The following MTFR1 variants were observed in gnomAD, a reference collection of about 807,000 sequenced individuals.
The protein encoded by MTFR1 is mitochondrial fission regulator 1, also known as chondrocyte protein with a poly-proline region.
MTFR1 carries 28 observed loss-of-function variants against 38.8 expected under a neutral mutation model. That is an observed-to-expected ratio of 0.72 (90% CI 0.53 to 0.99). MTFR1 has a LOEUF of 0.99. MTFR1 is among the 50% of genes least tolerant of loss of function. The pLI is 0.00. For synonymous variants in MTFR1, 145 were observed against 137.0 expected, an observed-to-expected ratio of 1.06 and a Z score of -0.41; for missense variants, 358 against 395.5, an observed-to-expected ratio of 0.91 and a Z score of 0.81.
intron 1 of MTFR1, among the ~76,000 whole-genome samples, chr8:65,649,124 G>A (rs1809047990): frequency 6.6e-6 from 1 of 151,790 alleles, no homozygotes; most frequent in Admixed American, 6.6e-5. Flanking sequence ...ATCTACAGAT[G>A]ACTTCAAGTA....
intron 1 of MTFR1, among the ~76,000 whole-genome samples, chr8:65,655,317 G>A (rs1048033503): frequency 9.9e-5 from 15 of 152,094 alleles, no homozygotes; most frequent in East Asian, 5.8e-4. Flanking sequence ...AAGAATTTGC[G>A]CCAAGTTTGA....
chr8:65,724,581 T>C (rs2129065587), intron 3 of MTFR1, among the ~76,000 whole-genome samples: 1 of 152,312 alleles, frequency 6.6e-6, no homozygotes, highest in South Asian at 2.1e-4. Context: ...GAAAAACACG[T>C]AAGCAATGAT....
rs529780472 is a variant in MTFR1 at position 65,692,949 on chromosome 8, A to G, written c.166-695A>G. On this transcript the variant is annotated intron_variant, in intron 3 of 7. Transcript: ENST00000262146. Reference sequence around the variant, plus strand: ...CTTGCTCTGTCACCCAGGCTGGAGTATAGTGGCACGATCTCGGCTCACCGC... The same window carrying G: ...CTTGCTCTGTCACCCAGGCTGGAGTGTAGTGGCACGATCTCGGCTCACCGC... Among the ~76,000 whole-genome samples, 9 of 146,384 alleles carry G rather than the reference A, an allele frequency of 6.1e-5. No individual in the cohort carries two copies. The East Asian group carries it at 1.8e-3, about 30-fold the overall frequency.
intron 3 of MTFR1, chr8:65,739,652 T>C (rs1807319647): frequency 1.4e-5 from 19 of 1,360,498 alleles, no homozygotes; most frequent in Non-Finnish European, 1.4e-5. Flanking sequence ...AACACAATTA[T>C]ATTATGCTTT....
At chr8:65,711,248 T>A (rs1029185790), downstream of MTFR1, among the ~76,000 whole-genome samples, 1 of 152,162 alleles carries the variant, frequency 6.6e-6, no homozygotes, top group African/African-American at 2.4e-5. Context: ...TTAGTTCTGG[T>A]TGTTTCCCCA....
intron 1 of MTFR1, among the ~76,000 whole-genome samples, chr8:65,663,344 A>G (rs1429524954): frequency 6.6e-6 from 1 of 152,010 alleles, no homozygotes; most frequent in African/African-American, 2.4e-5. Context: ...ATGCTCGTTA[A>G]GAGTCATCAC....
chr8:65,744,064 C>T (rs1807561971), intron 3 of MTFR1, among the ~76,000 whole-genome samples: 1 of 152,158 alleles, frequency 6.6e-6, no homozygotes, highest in Non-Finnish European at 1.5e-5. Context: ...AACTCCTGAC[C>T]TCATGTGATC....
chr8:65,749,701 G>A (rs1563486602), intron 3 of MTFR1, among the ~76,000 whole-genome samples: 1 of 152,188 alleles, frequency 6.6e-6, no homozygotes, highest in Non-Finnish European at 1.5e-5. Context: ...AGAACACTGT[G>A]CCTACAAGAA....
At chr8:65,686,579 CAA>C (rs757100773) in intron 3 of MTFR1, among the ~76,000 whole-genome samples, 24 of 62,382 alleles carry the variant, frequency 3.8e-4, no homozygotes, top group Non-Finnish European at 4.5e-4. Context: ...GACTCCGTCT[CAA>C]AAAAAAAAAA....
At chr8:65,672,688 T>G (rs1204909601) in intron 2 of MTFR1, among the ~76,000 whole-genome samples, 1 of 152,186 alleles carries the variant, frequency 6.6e-6, no homozygotes, top group South Asian at 2.1e-4. Flanking sequence ...TTTTTTAATA[T>G]TTTTAGTAGA....
At chr8:65,705,838 A>G (rs1805766885) in intron 5 of MTFR1, among the ~76,000 whole-genome samples, 1 of 152,214 alleles carries the variant, frequency 6.6e-6, no homozygotes, top group African/African-American at 2.4e-5. Flanking sequence ...ACCTGAATTC[A>G]AGTCTTCTGG....
At position 65,656,979 on chromosome 8, in the gene MTFR1, T is replaced by C. The variant is rs1303729971; in HGVS notation, c.-81+12195T>C. On this transcript the variant is annotated intron_variant, in intron 1 of 7. Coordinates refer to ENST00000262146, the MANE Select transcript of MTFR1 (RefSeq NM_014637.4). ...CTTTCAACTGAATACTTTTTTGTTCTTTTTTTTAGTTCATAATCCTCATTT... is the reference window on the plus strand; with the variant it reads ...CTTTCAACTGAATACTTTTTTGTTCCTTTTTTTAGTTCATAATCCTCATTT... Among the ~76,000 whole-genome samples the C allele has an allele frequency of 2.0e-5, 3 of 151,766 alleles. No homozygotes were observed. In the East Asian group the frequency reaches 5.8e-4, roughly 29 times the overall value.
At chr8:65,675,318 G>A (rs545612337) in intron 2 of MTFR1, among the ~76,000 whole-genome samples, 35 of 147,390 alleles carry the variant, frequency 2.4e-4, no homozygotes, top group Non-Finnish European at 3.3e-4. Context: ...CAAAAAGGCC[G>A]GGCGCGGTGG....
At chr8:65,651,246 G>T (rs948721921) in intron 1 of MTFR1, among the ~76,000 whole-genome samples, 1 of 152,120 alleles carries the variant, frequency 6.6e-6, no homozygotes, top group East Asian at 1.9e-4. Context: ...TCTGTGGGTT[G>T]TCTCTTCAGT....
chr8:65,717,096 T>C (rs1378843555), intron 2 of MTFR1, among the ~76,000 whole-genome samples: 1 of 152,246 alleles, frequency 6.6e-6, no homozygotes, highest in Non-Finnish European at 1.5e-5. Context: ...TTTGGACGTA[T>C]TGGAATAGAT....
At chr8:65,657,173 C>T (rs1483061598) in intron 1 of MTFR1, among the ~76,000 whole-genome samples, 3 of 151,956 alleles carry the variant, frequency 2.0e-5, no homozygotes, top group Admixed American at 6.6e-5. Flanking sequence ...ACCACCACAC[C>T]CAGCTAATTT....
chr8:65,664,809 A>T (rs1018614601), intron 1 of MTFR1, among the ~76,000 whole-genome samples: 9 of 151,090 alleles, frequency 6.0e-5, no homozygotes, highest in Non-Finnish European at 1.2e-4. Flanking sequence ...GCTAGTCTTG[A>T]ACTCCTAACC....
chr8:65,690,341 C>T (rs1436132860), intron 3 of MTFR1, among the ~76,000 whole-genome samples: 1 of 151,984 alleles, frequency 6.6e-6, no homozygotes, highest in African/African-American at 2.4e-5. Context: ...TTGAGACCAG[C>T]CTGGGCAACA....
rs757122383 is a variant in MTFR1 at position 65,719,300 on chromosome 8, C to T, written c.382-80C>T. ...CACTGGTTCTGGGGGTTATGATAACCGATTTTCCTGAGGTAATAACTGTGA... is the reference window on the plus strand; with the variant it reads ...CACTGGTTCTGGGGGTTATGATAACTGATTTTCCTGAGGTAATAACTGTGA... On this transcript the variant is annotated intron_variant, in intron 2 of 3. Coordinates refer to the MTFR1 transcript ENST00000521247. 23 of 1,612,894 alleles carry T rather than the reference C, an allele frequency of 1.4e-5. 2 individuals carry two copies. The South Asian group carries it at 2.0e-4, about 14-fold the overall frequency.
Sources: allele counts gnomAD v4.1 joint callset (sites outside exome capture counted in the v4.1 genomes callset), GRCh38; gene constraint gnomAD v4.1.1; transcripts MANE v1.5; gene names NCBI Gene and HGNC (gene_info 2026-07-23, HGNC 2026-07-21).